Variants in NUBPL observed in about 807,000 individuals in gnomAD.
NUBPL encodes the protein iron-sulfur cluster transfer protein NUBPL.
Under a neutral mutation model 45.7 loss-of-function variants are expected in NUBPL, and 31 were observed. That is an observed-to-expected ratio of 0.68 (90% confidence interval 0.51 to 0.92). The LOEUF (loss-of-function observed/expected upper bound fraction) is 0.92, where lower values mean the gene tolerates loss of function less well. Among genes scored for constraint, NUBPL ranks in the 40% least tolerant of loss-of-function variants. NUBPL has a pLI of 0.00. For missense variants in NUBPL, 401 were observed against 398.7 expected (o/e 1.01, Z -0.05); for synonymous variants, 144 against 140.9 (o/e 1.02, Z -0.15).
At chr14:31,614,858 G>T (rs867727093) in intron 4 of NUBPL, among the ~76,000 whole-genome samples, 5 of 152,282 alleles carry the variant, frequency 3.3e-5, no homozygotes, top group East Asian at 3.9e-4. Flanking sequence ...GTGTTTTTGT[G>T]TGTGTGTAAA....
chr14:31,625,378 A>G (rs1471361568), intron 4 of NUBPL, among the ~76,000 whole-genome samples: 1 of 152,188 alleles, frequency 6.6e-6, no homozygotes, highest in Admixed American at 6.5e-5. Flanking sequence ...CCCTTAGGAA[A>G]TCAATCATTT....
chr14:31,747,369 C>T (rs553372001), intron 6 of NUBPL, among the ~76,000 whole-genome samples: 1 of 152,014 alleles, frequency 6.6e-6, no homozygotes, highest in East Asian at 1.9e-4. Flanking sequence ...GATCTCCTGA[C>T]CTTGTGGTCC....
At chr14:31,847,945 A>G (rs1023282755) in intron 9 of NUBPL, among the ~76,000 whole-genome samples, 13 of 152,262 alleles carry the variant, frequency 8.5e-5, no homozygotes, top group African/African-American at 3.1e-4. Context: ...CTTATATAAT[A>G]AAGTAAATGT....
intron 8 of NUBPL, among the ~76,000 whole-genome samples, chr14:31,836,389 A>C (rs1851520328): frequency 6.6e-6 from 1 of 152,228 alleles, no homozygotes; most frequent in Non-Finnish European, 1.5e-5. Context: ...ATGTAAATTA[A>C]GCTATAGCAA....
intron 9 of NUBPL, among the ~76,000 whole-genome samples, chr14:31,848,598 T>C (rs1362164823): frequency 6.6e-6 from 1 of 152,258 alleles, no homozygotes; most frequent in East Asian, 1.9e-4. Flanking sequence ...TCCTCATTTC[T>C]TTCAGACTTA....
chr14:31,766,834 G>A (rs1288260362), intron 6 of NUBPL, among the ~76,000 whole-genome samples: 3 of 152,098 alleles, frequency 2.0e-5, no homozygotes, highest in African/African-American at 7.2e-5. Flanking sequence ...GGGGTTGTTG[G>A]CACCTTTTCC....
chr14:31,728,740 T>C (rs930936047), intron 6 of NUBPL, among the ~76,000 whole-genome samples: 1 of 152,240 alleles, frequency 6.6e-6, no homozygotes, highest in Admixed American at 6.5e-5. Context: ...GGTTGATTGC[T>C]ATCCCTTCCA....
At chr14:31,848,002 C>T (rs2040480177) in intron 9 of NUBPL, among the ~76,000 whole-genome samples, 1 of 152,064 alleles carries the variant, frequency 6.6e-6, no homozygotes, top group African/African-American at 2.4e-5. Flanking sequence ...ATTGTAATTT[C>T]CTAACTTACA....
chr14:31,712,922 A>G (rs534552052), intron 6 of NUBPL, among the ~76,000 whole-genome samples: 1 of 152,298 alleles, frequency 6.6e-6, no homozygotes, highest in South Asian at 2.1e-4. Flanking sequence ...AGGGAGGGGT[A>G]AGGAAGAGGA....
intron 3 of NUBPL, among the ~76,000 whole-genome samples, chr14:31,597,896 AT>A (rs1410036737): frequency 5.9e-5 from 9 of 151,788 alleles, no homozygotes; most frequent in Non-Finnish European, 1.3e-4. Context: ...AAATCTTGTT[AT>A]CCATAGTAAA....
intron 6 of NUBPL, among the ~76,000 whole-genome samples, chr14:31,749,264 T>C (rs951059895): frequency 1.3e-5 from 2 of 152,200 alleles, no homozygotes; most frequent in Non-Finnish European, 2.9e-5. Context: ...AGGTTTGATT[T>C]CTCTCTTTTT....
chr14:31,696,494 A>T (rs2139878967), intron 6 of NUBPL, among the ~76,000 whole-genome samples: 1 of 152,152 alleles, frequency 6.6e-6, no homozygotes, highest in East Asian at 1.9e-4. Context: ...GAACTTTTCA[A>T]TATGGTATTA....
intron 7 of NUBPL, among the ~76,000 whole-genome samples, chr14:31,810,636 A>G (rs1301291610): frequency 6.6e-6 from 1 of 152,140 alleles, no homozygotes. Flanking sequence ...TAACATTGTG[A>G]TGTGTGAATT....
At chr14:31,784,634 A>G (rs1595623310) in intron 6 of NUBPL, among the ~76,000 whole-genome samples, 1 of 152,072 alleles carries the variant, frequency 6.6e-6, no homozygotes, top group East Asian at 1.9e-4. Context: ...CAATTATTTT[A>G]TTTCACAGTT....
At chr14:31,615,945 C>G (rs541944629) in intron 4 of NUBPL, among the ~76,000 whole-genome samples, 28 of 152,300 alleles carry the variant, frequency 1.8e-4, no homozygotes, top group Admixed American at 1.8e-3. Context: ...TCTCCACATC[C>G]TCTCCAGCAT....
intron 8 of NUBPL, among the ~76,000 whole-genome samples, chr14:31,837,347 C>A (rs1470475522): frequency 2.0e-5 from 3 of 152,012 alleles, no homozygotes; most frequent in African/African-American, 2.4e-5. Flanking sequence ...AACAAAAATT[C>A]ATTATAAATC....
At chr14:31,617,534 CGTGTGGTTT>C (rs2034940490) in intron 4 of NUBPL, among the ~76,000 whole-genome samples, 2 of 151,950 alleles carry the variant, frequency 1.3e-5, no homozygotes, top group African/African-American at 4.8e-5. Flanking sequence ...TTGAGATAAT[CGTGTGGTTT>C]TTGTCATTGG....
At chr14:31,787,358 G>A (rs1322033369) in intron 6 of NUBPL, among the ~76,000 whole-genome samples, 1 of 152,002 alleles carries the variant, frequency 6.6e-6, no homozygotes, top group Non-Finnish European at 1.5e-5. Flanking sequence ...CATTATTAGT[G>A]TATTTTTGTG....
chr14:31,762,814 A>G (rs980967928), intron 6 of NUBPL, among the ~76,000 whole-genome samples: 1 of 151,678 alleles, frequency 6.6e-6, no homozygotes, highest in African/African-American at 2.4e-5. Flanking sequence ...ACATTTTTAC[A>G]TTTGCACATC....
Sources: gnomAD v4.1 joint callset for allele counts (sites outside exome capture counted in the v4.1 genomes callset) on GRCh38, gnomAD v4.1.1 for gene constraint, MANE v1.5 for transcripts, NCBI Gene and HGNC (gene_info 2026-07-23, HGNC 2026-07-21) for gene names.